Variants in DLG2 observed in about 807,000 individuals in gnomAD.
The protein encoded by DLG2 is disks large homolog 2.
A neutral mutation model predicts 132.5 loss-of-function variants in DLG2; 45 were observed. That is an observed-to-expected ratio of 0.34 (90% CI 0.27 to 0.44). The LOEUF (loss-of-function observed/expected upper bound fraction) is 0.44, where lower values mean the gene tolerates loss of function less well. DLG2 is among the 20% of genes least tolerant of loss of function. The probability of loss-of-function intolerance (pLI) is 1.00; values close to 1 mark genes in which losing one functional copy is unlikely to be tolerated. For synonymous variants in DLG2, 424 were observed against 419.6 expected (o/e 1.01, Z -0.13); for missense variants, 1,045 against 1,196.9 (o/e 0.87, Z 1.87).
chr11:85,564,332 A>G (rs919934027), intron 3 of DLG2, among the ~76,000 whole-genome samples: 1 of 150,496 alleles, frequency 6.6e-6, no homozygotes, highest in Non-Finnish European at 1.5e-5. Context: ...TGCTCATTCC[A>G]TGGTTGCAAG....
intron 10 of DLG2, among the ~76,000 whole-genome samples, chr11:84,062,790 A>C (rs562206560): frequency 6.6e-6 from 1 of 151,732 alleles, no homozygotes; most frequent in African/African-American, 2.4e-5. Flanking sequence ...TTACATTCAA[A>C]TTCTCAAAAT....
chr11:84,677,248 G>T (rs915426356), intron 6 of DLG2, among the ~76,000 whole-genome samples: 1 of 151,988 alleles, frequency 6.6e-6, no homozygotes, highest in East Asian at 1.9e-4. Flanking sequence ...GTCATTCCGG[G>T]CATCCCCAAG....
chr11:85,571,434 C>A (rs74502799), intron 3 of DLG2, among the ~76,000 whole-genome samples: 2,102 of 152,212 alleles, frequency 0.014, 29 homozygotes, highest in Non-Finnish European at 0.022. Flanking sequence ...TTAGAAACCA[C>A]AAATCCTCCT....
At chr11:84,558,950 T>A (rs1390401040) in intron 6 of DLG2, among the ~76,000 whole-genome samples, 1 of 152,156 alleles carries the variant, frequency 6.6e-6, no homozygotes, top group Non-Finnish European at 1.5e-5. Flanking sequence ...TTTTATACCA[T>A]CATTAGAGCT....
intron 6 of DLG2, among the ~76,000 whole-genome samples, chr11:84,911,253 G>A (rs2092030311): frequency 6.6e-6 from 1 of 151,870 alleles, no homozygotes; most frequent in Admixed American, 6.6e-5. Context: ...TATTTAATTT[G>A]TAAAGTTATA....
chr11:83,534,833 C>T (rs555452573), intron 20 of DLG2, among the ~76,000 whole-genome samples: 30 of 152,198 alleles, frequency 2.0e-4, no homozygotes, highest in African/African-American at 6.7e-4. Flanking sequence ...ATCCCAGCTA[C>T]GCGGGAGGCT....
chr11:85,419,906 T>C (rs368718187), intron 3 of DLG2, among the ~76,000 whole-genome samples: 43 of 152,104 alleles, frequency 2.8e-4, no homozygotes, highest in Admixed American at 8.5e-4. Context: ...GAGTTTGTTA[T>C]TACCCACATT....
chr11:83,589,718 C>A (rs2097154586), intron 19 of DLG2, among the ~76,000 whole-genome samples: 1 of 151,278 alleles, frequency 6.6e-6, no homozygotes, highest in South Asian at 2.1e-4. Context: ...GAGTCAAGAC[C>A]CAGCAGTGTG....
At chr11:85,271,840 A>AT (rs1208459102) in intron 4 of DLG2, among the ~76,000 whole-genome samples, 1 of 152,152 alleles carries the variant, frequency 6.6e-6, no homozygotes, top group Non-Finnish European at 1.5e-5. Context: ...CTTGCTTTTT[A>AT]TTTTACAGGC....
intron 6 of DLG2, among the ~76,000 whole-genome samples, chr11:85,064,548 T>C (rs893492915): frequency 1.1e-4 from 17 of 151,752 alleles, no homozygotes; most frequent in Non-Finnish European, 2.1e-4. Context: ...TTATACATTT[T>C]CAAAAGGGAT....
chr11:83,590,186 C>T (rs1339059686), intron 19 of DLG2, among the ~76,000 whole-genome samples: 5 of 149,190 alleles, frequency 3.4e-5, no homozygotes, highest in Non-Finnish European at 6.0e-5. Flanking sequence ...ACAGAATATA[C>T]ATTTTTTTCA....
chr11:84,188,303 A>C (rs1056631579), intron 8 of DLG2, among the ~76,000 whole-genome samples: 6 of 152,158 alleles, frequency 3.9e-5, no homozygotes, highest in Admixed American at 1.3e-4. Flanking sequence ...ACAATTTGGA[A>C]TTTATTTTTA....
chr11:84,352,921 T>C (rs923252840), intron 7 of DLG2, among the ~76,000 whole-genome samples: 1 of 152,158 alleles, frequency 6.6e-6, no homozygotes, highest in African/African-American at 2.4e-5. Flanking sequence ...GTTTTACTTC[T>C]TTCTTCTGTT....
At chr11:84,445,036 C>G (rs559707969) in intron 7 of DLG2, among the ~76,000 whole-genome samples, 6 of 152,154 alleles carry the variant, frequency 3.9e-5, no homozygotes, top group African/African-American at 1.4e-4. Flanking sequence ...CTCCTGACCT[C>G]AGGCAGACCA....
intron 3 of DLG2, among the ~76,000 whole-genome samples, chr11:85,319,768 T>C (rs904806974): frequency 2.0e-5 from 3 of 152,002 alleles, no homozygotes; most frequent in South Asian, 2.1e-4. Flanking sequence ...ACTTTATTTA[T>C]GCTCTCTAAT....
At chr11:84,159,929 T>C (rs1298064235) in intron 9 of DLG2, among the ~76,000 whole-genome samples, 2 of 152,122 alleles carry the variant, frequency 1.3e-5, no homozygotes, top group Admixed American at 1.3e-4. Context: ...TTTTAGATTA[T>C]TTTTCTGGCA....
chr11:84,888,723 A>G (rs2088787325), intron 6 of DLG2, among the ~76,000 whole-genome samples: 1 of 152,046 alleles, frequency 6.6e-6, no homozygotes. Flanking sequence ...TTCTTTCCCT[A>G]TCTCCAAGAA....
chr11:84,765,708 A>G (rs1335395600), intron 6 of DLG2, among the ~76,000 whole-genome samples: 2 of 152,032 alleles, frequency 1.3e-5, no homozygotes, highest in South Asian at 4.1e-4. Flanking sequence ...TTATCCTACT[A>G]CTGAAAAATA....
At chr11:85,373,315 C>T (rs993475124) in intron 3 of DLG2, among the ~76,000 whole-genome samples, 1 of 152,226 alleles carries the variant, frequency 6.6e-6, no homozygotes, top group South Asian at 2.1e-4. Context: ...TGCATTCAGG[C>T]CATCAAACTC....
Sources: gnomAD v4.1 joint callset for allele counts (sites outside exome capture counted in the v4.1 genomes callset) on GRCh38, gnomAD v4.1.1 for gene constraint, MANE v1.5 for transcripts, NCBI Gene and HGNC (gene_info 2026-07-23, HGNC 2026-07-21) for gene names.